Variants in VPS13C observed in about 807,000 individuals in gnomAD.
VPS13C encodes intermembrane lipid transfer protein VPS13C.
In VPS13C, 358 loss-of-function variants were observed where a neutral mutation model predicts 456.8. That is an observed-to-expected ratio of 0.78 (90% CI 0.72 to 0.86). The LOEUF is 0.86. Among genes scored for constraint, VPS13C ranks in the 40% least tolerant of loss-of-function variants. The pLI is 0.00. For missense variants in VPS13C, 4,818 were observed against 4,385.4 expected (o/e 1.10, Z -2.79); for synonymous variants, 1,578 against 1,486.7 (o/e 1.06, Z -1.41).
At chr15:62,002,472 C>T (rs1480371722) in intron 15 of VPS13C, among the ~76,000 whole-genome samples, 12 of 152,102 alleles carry the variant, frequency 7.9e-5, no homozygotes, top group Admixed American at 3.3e-4. Flanking sequence ...TGTAGGTTGC[C>T]TGTTCACTCT....
At chr15:61,943,245 T>A (rs1278830047) in intron 45 of VPS13C, among the ~76,000 whole-genome samples, 1 of 152,104 alleles carries the variant, frequency 6.6e-6, no homozygotes, top group Non-Finnish European at 1.5e-5. Context: ...CAGTGTCATT[T>A]TTCACAGAAC....
rs1015751259 is a variant in VPS13C at position 61,925,788 on chromosome 15, A to G, written c.6517-240T>C. On this transcript the variant is annotated intron_variant, in intron 52 of 84. Transcript: ENST00000644861. ...GTTCTGATGAATTTCATCATGCCAA[A>G]TCCTTAAGTAATAAAGCAGATTTAC... 2.6e-5 allele frequency among the ~76,000 whole-genome samples: 4 copies of G among 152,342 alleles called. No homozygotes were observed. In the East Asian group the frequency reaches 7.7e-4, roughly 29 times the overall value.
At chr15:61,896,521 C>A (rs1337684373) in intron 66 of VPS13C, among the ~76,000 whole-genome samples, 1 of 152,186 alleles carries the variant, frequency 6.6e-6, no homozygotes, top group African/African-American at 2.4e-5. Flanking sequence ...GTCACTCCCA[C>A]CTGAATACTG....
At chr15:61,962,560 G>A (rs971778338) in intron 33 of VPS13C, 22 bp from the exon 34 acceptor site, 21 of 1,600,252 alleles carry the variant, frequency 1.3e-5, no homozygotes, top group Non-Finnish European at 1.8e-5. Context: ...AGACTTGAAT[G>A]TACTCTATCC....
chr15:61,854,404 A>C lies in VPS13C; in HGVS notation c.*53T>G, dbSNP rs1364212040. On this transcript the variant is annotated 3_prime_UTR_variant, in exon 85 of 85. Transcript: ENST00000644861. ...AGCAAGATAAAGCAGAGTGACTTATAGACAAGACCAGTGATTGTTTTTTCT... is the reference window on the plus strand; with the variant it reads ...AGCAAGATAAAGCAGAGTGACTTATCGACAAGACCAGTGATTGTTTTTTCT... 1.5e-5 allele frequency: 23 copies of C among 1,486,708 alleles called. No individual in the cohort carries two copies. The highest frequency in any genetic ancestry group is 2.1e-5 in the Non-Finnish European group (22 of 1,063,914). 92.1% of individuals were successfully genotyped at this position (1,486,708 alleles called of 1,614,324 possible).
At chr15:62,003,147 A>C (rs1287679088) in intron 15 of VPS13C, among the ~76,000 whole-genome samples, 1 of 152,080 alleles carries the variant, frequency 6.6e-6, no homozygotes, top group Non-Finnish European at 1.5e-5. Flanking sequence ...CTTCCTATCC[A>C]TGAGCATGGA....
intron 17 of VPS13C, 151 bp downstream of exon 17, chr15:61,991,522 T>A: frequency 1.3e-6 from 1 of 775,206 alleles, no homozygotes; most frequent in Admixed American, 3.7e-5. Context: ...AACAGGAATA[T>A]TCCAGCCTGA....
rs185756986 is a variant in VPS13C, at chr15:61,934,324, T to C, written c.5763A>G (p.Glu1921=). Residue 1921 remains glutamate (E), a synonymous_variant, in exon 49 of 85, where the codon GAA becomes GAG. Transcript: ENST00000644861. Reference sequence around the variant, plus strand: ...TAGAGAGCTTTGAGTCTGTCCAATCTTCTTGTTCTAATGGTGAAAATTTAA... The same window carrying C: ...TAGAGAGCTTTGAGTCTGTCCAATCCTCTTGTTCTAATGGTGAAAATTTAA... ...SSVPDHLKEQ[E]DWTDSKLSMN... The C allele has an allele frequency of 6.5e-7, 1 of 1,535,582 alleles. No individual in the cohort carries two copies. Among genetic ancestry groups the C allele is most frequent in the Admixed American group, 1.9e-5 (1 of 51,744 alleles).
chr15:61,950,918 A>C, intron 40 of VPS13C, 27 bp downstream of exon 40: 1 of 1,473,336 alleles, frequency 6.8e-7, no homozygotes, highest in Non-Finnish European at 9.3e-7. Context: ...TCAAATATTA[A>C]AGAATCCTAG....
intron 16 of VPS13C, among the ~76,000 whole-genome samples, chr15:61,998,786 TAC>T (rs1555438106): frequency 6.6e-6 from 1 of 152,178 alleles, no homozygotes; most frequent in Non-Finnish European, 1.5e-5. Flanking sequence ...AGTACACTTA[TAC>T]AAGGATTTTC....
chr15:61,907,474 C>A, intron 65 of VPS13C, 84 bp from the exon 66 acceptor site: 1 of 1,500,030 alleles, frequency 6.7e-7, no homozygotes, highest in Non-Finnish European at 8.9e-7. Flanking sequence ...AAGGGATTAG[C>A]ACAGAAGTCC....
chr15:61,962,489 T>C lies in VPS13C; in HGVS notation c.3485A>G (p.Tyr1162Cys). 1 of 1,611,014 alleles carries C rather than the reference T, an allele frequency of 6.2e-7. No homozygotes were observed. The highest frequency in any genetic ancestry group is 8.5e-7 in the Non-Finnish European group (1 of 1,178,164). The change falls in exon 34 of 85, where the codon TAT becomes TGT. Residue 1162 changes from tyrosine (Y) to cysteine (C), a missense_variant. This residue lies in a region of VPS13C where 4,552 missense variants were observed against 4,130.6 expected (regional missense o/e 1.10). Transcript: ENST00000644861. ...NEVFRFNLDL[Y>C]PDATEGDLYT... is the part of the protein sequence containing the mutation. ...CAAATCCCCCTCAGTAGCATCTGGA[T>C]ACAAATCCAAATTAAAACGGAAAAC...
chr15:62,059,511 T>TTATA (rs2048916729), intron 1 of VPS13C, among the ~76,000 whole-genome samples: 1 of 152,198 alleles, frequency 6.6e-6, no homozygotes, highest in South Asian at 2.1e-4. Flanking sequence ...CTGAATACTT[T>TTATA]TATACACTTA....
intron 12 of VPS13C, 105 bp from the exon 13 acceptor site, chr15:62,010,704 T>A (rs2047009456): frequency 8.4e-7 from 1 of 1,189,584 alleles, no homozygotes; most frequent in Non-Finnish European, 1.1e-6. Flanking sequence ...AGAAAAATGA[T>A]CAAAAATGTG....
Position 61,873,293 on chromosome 15 carries a change from T to TG in VPS13C, c.10530dup (p.Arg3511GlnfsTer43). The TG allele has an allele frequency of 6.2e-7, 1 of 1,613,758 alleles. No homozygotes were observed. Among genetic ancestry groups the TG allele is most frequent in the Non-Finnish European group, 8.5e-7 (1 of 1,179,732 alleles). Reference sequence around the variant, plus strand: ...CTGGCCAGGCTGTCTCCAAAATCTCTGGGCTGTCGACTCAACTCTTCTCTT... The same window carrying TG: ...CTGGCCAGGCTGTCTCCAAAATCTCTGGGGCTGTCGACTCAACTCTTCTCTT... On this transcript the variant is annotated frameshift_variant, in exon 78 of 85. Coordinates refer to ENST00000644861, the MANE Select transcript of VPS13C (RefSeq NM_020821.3). LOFTEE classifies it high-confidence loss of function.
chr15:61,862,636 CT>C (rs1423689847), intron 82 of VPS13C, among the ~76,000 whole-genome samples: 1 of 152,008 alleles, frequency 6.6e-6, no homozygotes, highest in Non-Finnish European at 1.5e-5. Flanking sequence ...ATAAAATCTG[CT>C]TTTTAGATTG....
intron 24 of VPS13C, among the ~76,000 whole-genome samples, chr15:61,976,803 CGAA>C (rs1265573228): frequency 6.6e-6 from 1 of 151,634 alleles, no homozygotes; most frequent in Non-Finnish European, 1.5e-5. Flanking sequence ...CTAATGTGTT[CGAA>C]GATTTTATTT....
intron 66 of VPS13C, among the ~76,000 whole-genome samples, chr15:61,892,951 G>A (rs980417344): frequency 6.6e-6 from 1 of 151,988 alleles, no homozygotes; most frequent in Non-Finnish European, 1.5e-5. Flanking sequence ...GGAGAAAACA[G>A]AATAAAAAAG....
In VPS13C at chr15:61,873,402, T is replaced by TCA; in HGVS notation, c.10421_10422insTG (p.Ala3475GlufsTer33). Reference sequence around the variant, plus strand: ...CGGTGATTCGAGATACAACTCCTGCTGCACCACCTATCAAAGACAAGGGAT... The same window carrying TCA: ...CGGTGATTCGAGATACAACTCCTGCTCAGCACCACCTATCAAAGACAAGGGAT... On this transcript the variant is annotated frameshift_variant, in exon 78 of 85. Transcript: ENST00000644861. LOFTEE classifies it high-confidence loss of function. 6.2e-7 allele frequency: 1 copy of TCA among 1,613,536 alleles called. No homozygotes were observed. The highest frequency in any genetic ancestry group is 8.5e-7 in the Non-Finnish European group (1 of 1,179,668).
Sources: allele counts gnomAD v4.1 joint callset (sites outside exome capture counted in the v4.1 genomes callset), GRCh38; gene constraint gnomAD v4.1.1; regional missense constraint gnomAD v4.1.1; transcripts MANE v1.5; gene names NCBI Gene and HGNC (gene_info 2026-07-23, HGNC 2026-07-21).